Variants in UBA2 observed in about 807,000 individuals in gnomAD.
The protein encoded by UBA2 is SUMO-activating enzyme subunit 2.
A neutral mutation model predicts 77.2 loss-of-function variants in UBA2; 11 were observed. The ratio of observed to expected loss-of-function variants is 0.14; its 90% confidence interval spans 0.09 to 0.24. The LOEUF (loss-of-function observed/expected upper bound fraction) is 0.24. UBA2 is among the 10% of genes least tolerant of loss of function. The pLI is 1.00. For missense variants in UBA2, 487 were observed against 781.7 expected, an observed-to-expected ratio of 0.62 and a Z score of 4.50; for synonymous variants, 278 against 276.7, an observed-to-expected ratio of 1.00 and a Z score of -0.05.
In UBA2 at chr19:34,466,892, A is replaced by C; in HGVS notation, c.1619A>C (p.Lys540Thr). Residue 540 changes from lysine to threonine, a missense_variant, in exon 16 of 17, where the codon AAG becomes ACG. Lys to Thr is a moderately conservative substitution (Grantham distance 78, BLOSUM62 -1). Transcript: ENST00000246548. ...TTCTCCTACAGTGAAGACCTAGGAA[A>C]GGACGTTGAATTTGAAGTTGTTGGT... The part of the protein sequence containing the change: ...INILHSEDLG[K>T]DVEFEVVGDA... 1 of 1,613,080 alleles carries C rather than the reference A, an allele frequency of 6.2e-7. No individual in the cohort carries two copies. Among genetic ancestry groups the C allele is most frequent in the Non-Finnish European group, 8.5e-7 (1 of 1,179,986 alleles).
At chr19:34,444,011 A>T (rs2145517015) in intron 7 of UBA2, 100 bp downstream of exon 7, 26 of 498,544 alleles carry the variant, frequency 5.2e-5, no homozygotes, top group East Asian at 1.3e-4. Flanking sequence ...TATATGTGCT[A>T]GGTAATGTGT....
At position 34,428,466 on chromosome 19, in the gene UBA2, G is replaced by T; in HGVS notation, c.34G>T (p.Ala12Ser). ...ALSRGLPREL[A>S]EAVAGGRVLV... ...GTCGCGGGGGCTGCCCCGGGAGCTG[G>T]CTGAGGCGGTGGCCGGGGGCCGGGT... Residue 12 changes from alanine (A) to serine (S), a missense_variant, in exon 1 of 17, where the codon GCT (alanine) becomes TCT (serine). Transcript: ENST00000246548. 2 of 1,288,702 alleles carry T rather than the reference G, an allele frequency of 1.6e-6. No homozygotes were observed. Among genetic ancestry groups the T allele is most frequent in the Non-Finnish European group, 2.0e-6 (2 of 1,013,070 alleles). 79.8% of individuals were successfully genotyped at this position (1,288,702 alleles called of 1,614,324 possible).
chr19:34,443,957 T>G, intron 7 of UBA2, 46 bp downstream of exon 7: 2 of 1,364,922 alleles, frequency 1.5e-6, no homozygotes, highest in Non-Finnish European at 2.1e-6. Context: ...CTATTATCTT[T>G]ATTTTGTTGA....
chr19:34,443,551 C>T (rs1286322938), intron 6 of UBA2, among the ~76,000 whole-genome samples: 3 of 151,102 alleles, frequency 2.0e-5, no homozygotes, highest in Non-Finnish European at 4.4e-5. Context: ...AAGCGATTCT[C>T]CTGCCTCAGC....
intron 12 of UBA2, among the ~76,000 whole-genome samples, chr19:34,455,964 ATGGGGT>A (rs2075554109): frequency 6.7e-6 from 1 of 149,296 alleles, no homozygotes; most frequent in East Asian, 2.0e-4. Flanking sequence ...TTTTAAACTG[ATGGGGT>A]CTTGCTATGT....
intron 6 of UBA2, among the ~76,000 whole-genome samples, 185 bp downstream of exon 6, chr19:34,438,951 G>A (rs1474304100): frequency 1.3e-5 from 2 of 152,158 alleles, no homozygotes; most frequent in Non-Finnish European, 2.9e-5. Context: ...GCTCACACCT[G>A]TAATCCCGGC....
In UBA2 at chr19:34,437,676, A is replaced by G. The variant is rs141791919; in HGVS notation, c.460-969A>G. 1.4e-4 allele frequency among the ~76,000 whole-genome samples: 21 copies of G among 152,320 alleles called. No individual in the cohort carries two copies. In the East Asian group the frequency reaches 3.9e-3, roughly 28 times the overall value. On this transcript the variant is annotated intron_variant, in intron 5 of 16. Transcript: ENST00000246548. The stretch of plus-strand genomic sequence containing the variant: ...GAGATAATGAAAGATGATTCATTTG[A>G]TAGTTTTGAAAAGTTGTCTCAGGTG...
Position 34,450,284 on chromosome 19 carries a change from G to A in UBA2, c.791G>A (p.Arg264Lys). The change falls in exon 9 of 17, where the codon AGG (arginine) becomes AAG (lysine). Residue 264 changes from arginine to lysine, a missense_variant. Around this residue, in one of 9 missense-constraint regions of UBA2, gnomAD observed 300 missense variants for 454.3 expected, o/e 0.66. Transcript: ENST00000246548. ...TGTAAGCTTTTTAAAGATGACATCAGGTATCTGTTGACAATGGACAAACTA... is the reference window on the plus strand; with the variant it reads ...TGTAAGCTTTTTAAAGATGACATCAAGTATCTGTTGACAATGGACAAACTA... Reference protein sequence around the residue: ...LFTKLFKDDIRYLLTMDKLWR... With the variant: ...LFTKLFKDDIKYLLTMDKLWR... The A allele has an allele frequency of 6.2e-7, 1 of 1,610,698 alleles. No homozygotes were observed. Among genetic ancestry groups the A allele is most frequent in the African/African-American group, 1.3e-5 (1 of 74,786 alleles).
At chr19:34,466,123 CAG>C (rs1286236424) in intron 15 of UBA2, among the ~76,000 whole-genome samples, 5 of 151,902 alleles carry the variant, frequency 3.3e-5, no homozygotes, top group South Asian at 2.1e-4. Context: ...ATCACAGGCT[CAG>C]GGGTTCAAAA....
At chr19:34,450,859 C>T (rs1023437802) in intron 9 of UBA2, among the ~76,000 whole-genome samples, 2 of 151,196 alleles carry the variant, frequency 1.3e-5, no homozygotes, top group East Asian at 2.0e-4. Context: ...CCCGCCTCAG[C>T]CTCCCGAGTA....
intron 10 of UBA2, among the ~76,000 whole-genome samples, chr19:34,453,959 A>ATACAACTGAGTCTCCGGTGCC (rs1251296345): frequency 1.3e-5 from 2 of 152,140 alleles, no homozygotes; most frequent in African/African-American, 4.8e-5. Context: ...ATTCCGGTGT[A>ATACAACTGAGTCTCCGGTGCC]TACAACTGAG....
chr19:34,457,530 C>T (rs1365366494), intron 12 of UBA2, among the ~76,000 whole-genome samples: 1 of 152,098 alleles, frequency 6.6e-6, no homozygotes, highest in African/African-American at 2.4e-5. Context: ...CAAAATCAAA[C>T]AAATCTTTCT....
At chr19:34,460,432 T>G in intron 13 of UBA2, 38 bp from the exon 14 acceptor site, 1 of 1,278,754 alleles carries the variant, frequency 7.8e-7, no homozygotes. Flanking sequence ...TTTAATTACC[T>G]ACGTTAATAT....
intron 9 of UBA2, among the ~76,000 whole-genome samples, chr19:34,451,108 C>T (rs1210139637): frequency 6.6e-6 from 1 of 151,992 alleles, no homozygotes; most frequent in African/African-American, 2.4e-5. Flanking sequence ...CTCAAGCCAT[C>T]CTCCTCCCTC....
intron 10 of UBA2, 123 bp from the exon 11 acceptor site, chr19:34,454,137 C>A: frequency 2.3e-6 from 2 of 885,312 alleles, no homozygotes; most frequent in Non-Finnish European, 3.5e-6. Context: ...TTTCCCTCAG[C>A]AACCTCTTGT....
intron 15 of UBA2, among the ~76,000 whole-genome samples, chr19:34,466,158 A>G (rs1163680289): frequency 6.6e-6 from 1 of 151,954 alleles, no homozygotes; most frequent in Admixed American, 6.6e-5. Flanking sequence ...ATATGGTGAA[A>G]CCCTGTCTCT....
chr19:34,434,718 G>GT (rs2075290839), intron 4 of UBA2, 150 bp from the exon 5 acceptor site: 1 of 606,578 alleles, frequency 1.6e-6, no homozygotes, highest in African/African-American at 1.9e-5. Context: ...TTAAATGTCT[G>GT]TAATTAACAG....
Position 34,469,051 on chromosome 19 carries a change from G to T in UBA2, c.1753G>T (p.Asp585Tyr), listed in dbSNP as rs2145576072. 3.1e-6 allele frequency: 5 copies of T among 1,605,450 alleles called. No individual in the cohort carries two copies. Among genetic ancestry groups the T allele is most frequent in the Non-Finnish European group, 4.2e-6 (5 of 1,177,450 alleles). Residue 585 changes from aspartate (D) to tyrosine (Y), a missense_variant, in exon 17 of 17, where the codon GAT becomes TAT. Asp to Tyr is a radical substitution (Grantham distance 160). Coordinates refer to ENST00000246548, the MANE Select transcript of UBA2 (RefSeq NM_005499.3). ...TTTTCTGAAATAAGCTCAAGAGCAA[G>T]ATGACGTTCTCATAGTTGATTCAGA... ...QPSTSTAQEQ[D>Y]DVLIVDSDEE...
intron 3 of UBA2, among the ~76,000 whole-genome samples, chr19:34,432,567 T>TTG (rs2075267428): frequency 6.6e-6 from 1 of 151,896 alleles, no homozygotes; most frequent in South Asian, 2.1e-4. Context: ...TGTGTTTTTT[T>TTG]TGTGTGTGAG....
Sources: gnomAD v4.1 joint callset for allele counts (sites outside exome capture counted in the v4.1 genomes callset) on GRCh38, gnomAD v4.1.1 for gene constraint, gnomAD v4.1.1 regional missense constraint, MANE v1.5 for transcripts, NCBI Gene and HGNC (gene_info 2026-07-23, HGNC 2026-07-21) for gene names.